ZNF385D: variants seen among roughly 807,000 people sequenced by gnomAD.
ZNF385D encodes the protein zinc finger protein 385D.
In ZNF385D, 15 loss-of-function variants were observed where a neutral mutation model predicts 35.8. The ratio of observed to expected loss-of-function variants is 0.42; its 90% CI spans 0.28 to 0.64. The LOEUF (loss-of-function observed/expected upper bound fraction) is 0.64. ZNF385D is among the 30% of genes least tolerant of loss of function. The pLI is 0.23. For synonymous variants in ZNF385D, 212 were observed against 186.8 expected (o/e 1.13, Z -1.10); for missense variants, 474 against 494.6 (o/e 0.96, Z 0.39).
intron 2 of ZNF385D, among the ~76,000 whole-genome samples, chr3:22,214,140 A>C (rs1166410148): frequency 6.6e-6 from 1 of 152,100 alleles, no homozygotes; most frequent in Non-Finnish European, 1.5e-5. Context: ...GACATTTATT[A>C]GTTCCTTAAA....
rs76188864 is a variant in ZNF385D at position 22,065,059 on chromosome 3, A to G, written c.325+103758T>C. On this transcript the variant is annotated intron_variant, in intron 3 of 5. Coordinates refer to the ZNF385D transcript ENST00000494108. ...ATCCTAGTTATGCCACCCACTAGCT[A>G]TAAGTCCTTAAACAAATTAGTTAGC... is the stretch of plus-strand genomic sequence containing the variant. 5.2e-3 allele frequency among the ~76,000 whole-genome samples: 791 copies of G among 152,328 alleles called. 7 individuals carry two copies. The highest frequency in any genetic ancestry group is 0.018 in the African/African-American group (758 of 41,580).
chr3:21,657,437 A>G (rs2066104865), intron 2 of ZNF385D, among the ~76,000 whole-genome samples: 1 of 151,992 alleles, frequency 6.6e-6, no homozygotes, highest in Non-Finnish European at 1.5e-5. Flanking sequence ...CATTCTGCAG[A>G]AAGCTACAGG....
chr3:21,744,255 GA>G (rs2069657209), intron 1 of ZNF385D, among the ~76,000 whole-genome samples: 1 of 152,120 alleles, frequency 6.6e-6, no homozygotes. Flanking sequence ...GACACACTTT[GA>G]AAAATACAAA....
At chr3:21,788,629 T>C (rs2071798973) in intron 3 of ZNF385D, among the ~76,000 whole-genome samples, 1 of 152,240 alleles carries the variant, frequency 6.6e-6, no homozygotes, top group Non-Finnish European at 1.5e-5. Context: ...TTTCAAATTT[T>C]TGAGACACTA....
chr3:21,968,016 A>G (rs1220545238), intron 3 of ZNF385D, among the ~76,000 whole-genome samples: 1 of 152,188 alleles, frequency 6.6e-6, no homozygotes, highest in East Asian at 1.9e-4. Flanking sequence ...GTAGGTAGGA[A>G]AGAAAGTCTT....
intron 2 of ZNF385D, among the ~76,000 whole-genome samples, chr3:21,642,685 A>G (rs1336735226): frequency 6.6e-6 from 1 of 152,132 alleles, no homozygotes; most frequent in Non-Finnish European, 1.5e-5. Flanking sequence ...AACAGTCAAA[A>G]AAGCATAAAT....
At chr3:22,120,489 G>T (rs1055335400) in intron 3 of ZNF385D, among the ~76,000 whole-genome samples, 2 of 152,050 alleles carry the variant, frequency 1.3e-5, no homozygotes, top group East Asian at 1.9e-4. Flanking sequence ...TCACACTGGG[G>T]ATTAGGGCTT....
At chr3:21,804,349 T>C (rs936950303) in intron 3 of ZNF385D, among the ~76,000 whole-genome samples, 1 of 152,176 alleles carries the variant, frequency 6.6e-6, no homozygotes, top group Admixed American at 6.5e-5. Flanking sequence ...TTACAAGTTG[T>C]AATTAAAATG....
At chr3:22,108,685 C>A (rs1015048610) in intron 3 of ZNF385D, among the ~76,000 whole-genome samples, 1 of 152,056 alleles carries the variant, frequency 6.6e-6, no homozygotes, top group Non-Finnish European at 1.5e-5. Flanking sequence ...AATTACTTCA[C>A]CAAGTTATAA....
intron 3 of ZNF385D, among the ~76,000 whole-genome samples, chr3:22,121,341 T>C (rs1049679050): frequency 1.3e-5 from 2 of 152,204 alleles, no homozygotes; most frequent in African/African-American, 4.8e-5. Context: ...CAGGACCTCA[T>C]GCATGAATCA....
chr3:22,235,406 C>T lies in ZNF385D; in HGVS notation c.107-66371G>A, dbSNP rs186349942. Among the ~76,000 whole-genome samples, 83 of 152,140 alleles carry T rather than the reference C, an allele frequency of 5.5e-4. 4 individuals carry two copies. In the East Asian group the frequency reaches 0.011, roughly 21 times the overall value. ...TGCAGGGAGAAAAAGGGAAAGACGACATTTATTTTAACAGGACGAAACACT... is the reference window on the plus strand; with the variant it reads ...TGCAGGGAGAAAAAGGGAAAGACGATATTTATTTTAACAGGACGAAACACT... On this transcript the variant is annotated intron_variant, in intron 2 of 5. Transcript: ENST00000494108.
rs79893161 is a variant in ZNF385D, at chr3:21,735,075, A to C, written c.22+15820T>G. On this transcript the variant is annotated intron_variant, in intron 1 of 7. Coordinates refer to ENST00000281523, the MANE Select transcript of ZNF385D (RefSeq NM_024697.3). ...GGGAGGGATCTTTGAATTCATTTAG[A>C]CTCTGCCGAGTGCAGAGATCTACCC... 3.3e-3 allele frequency among the ~76,000 whole-genome samples: 488 copies of C among 149,430 alleles called. 4 individuals are homozygous for C. Among genetic ancestry groups the C allele is most frequent in the African/African-American group, 0.012 (480 of 40,368 alleles).
intron 2 of ZNF385D, among the ~76,000 whole-genome samples, chr3:22,262,339 A>T (rs1700674649): frequency 6.6e-6 from 1 of 152,120 alleles, no homozygotes; most frequent in East Asian, 2.0e-4. Context: ...CACACATGGA[A>T]GAATGGGTAA....
At chr3:21,691,379 G>A (rs2067279926) in intron 1 of ZNF385D, among the ~76,000 whole-genome samples, 1 of 151,996 alleles carries the variant, frequency 6.6e-6, no homozygotes, top group South Asian at 2.1e-4. Context: ...ATGTTCCACA[G>A]TTTTGTAACT....
At chr3:21,725,119 G>T (rs984854287) in intron 1 of ZNF385D, among the ~76,000 whole-genome samples, 18 of 152,096 alleles carry the variant, frequency 1.2e-4, no homozygotes, top group Non-Finnish European at 2.6e-4. Flanking sequence ...AAATAAAGAT[G>T]TTCTTTGAAA....
At chr3:22,148,539 C>T (rs1326825398) in intron 3 of ZNF385D, among the ~76,000 whole-genome samples, 3 of 152,114 alleles carry the variant, frequency 2.0e-5, no homozygotes, top group Non-Finnish European at 4.4e-5. Flanking sequence ...GGCTACAAAC[C>T]AAGAATCTGT....
intron 2 of ZNF385D, among the ~76,000 whole-genome samples, chr3:22,204,143 G>A (rs1436521640): frequency 6.6e-6 from 1 of 152,044 alleles, no homozygotes; most frequent in Non-Finnish European, 1.5e-5. Flanking sequence ...GCAGAGAGAG[G>A]AGACTCTGTT....
intron 2 of ZNF385D, among the ~76,000 whole-genome samples, chr3:22,230,628 T>C (rs1467357056): frequency 2.0e-5 from 3 of 152,138 alleles, no homozygotes; most frequent in Non-Finnish European, 4.4e-5. Flanking sequence ...AATTCAACCC[T>C]ACATTAATTG....
chr3:21,636,109 T>C (rs1408064562), intron 2 of ZNF385D, among the ~76,000 whole-genome samples: 5 of 151,956 alleles, frequency 3.3e-5, no homozygotes, highest in African/African-American at 1.2e-4. Context: ...GTAGTTCTAC[T>C]TTTAGTTCTT....
Sources: allele counts gnomAD v4.1 joint callset (sites outside exome capture counted in the v4.1 genomes callset), GRCh38; gene constraint gnomAD v4.1.1; transcripts MANE v1.5; gene names NCBI Gene and HGNC (gene_info 2026-07-23, HGNC 2026-07-21).